The following AGBL4 variants were observed in gnomAD, a reference collection of about 807,000 sequenced individuals.
The protein encoded by AGBL4 is AGBL carboxypeptidase 4.
AGBL4 carries 58 observed loss-of-function variants against 66.4 expected under a neutral mutation model. The ratio of observed to expected loss-of-function variants is 0.87; its 90% CI spans 0.71 to 1.09. The LOEUF (loss-of-function observed/expected upper bound fraction) is 1.09, where lower values mean the gene tolerates loss of function less well. Among genes scored for constraint, AGBL4 ranks in the 50% least tolerant of loss-of-function variants. The probability of loss-of-function intolerance (pLI) is 0.00; values close to 1 mark genes in which losing one functional copy is unlikely to be tolerated. For missense variants in AGBL4, 579 were observed against 631.0 expected, an observed-to-expected ratio of 0.92 and a Z score of 0.88; for synonymous variants, 234 against 222.9, an observed-to-expected ratio of 1.05 and a Z score of -0.44.
intron 6 of AGBL4, among the ~76,000 whole-genome samples, chr1:48,812,980 G>A (rs1276779045): frequency 6.6e-6 from 1 of 151,620 alleles, no homozygotes; most frequent in Non-Finnish European, 1.5e-5. Context: ...GGAGAGGGGA[G>A]GGATAGCATT....
chr1:48,724,375 CCT>C (rs1193599382), intron 6 of AGBL4, among the ~76,000 whole-genome samples: 3 of 152,164 alleles, frequency 2.0e-5, no homozygotes, highest in African/African-American at 4.8e-5. Flanking sequence ...TCACTTTACC[CCT>C]GTGTGTGATG....
chr1:48,566,234 G>T (rs1021724506), intron 11 of AGBL4, among the ~76,000 whole-genome samples: 1 of 152,128 alleles, frequency 6.6e-6, no homozygotes, highest in Non-Finnish European at 1.5e-5. Flanking sequence ...CACATGCTCA[G>T]TTCTGTCACC....
At position 49,116,348 on chromosome 1, in the gene AGBL4, TTCTAATGCTATCCCTCCTCCA is replaced by T. The variant is rs1489226614; in HGVS notation, c.378-70569_378-70549del. Among the ~76,000 whole-genome samples, 6 of 152,310 alleles carry T rather than the reference TTCTAATGCTATCCCTCCTCCA, an allele frequency of 3.9e-5. No individual in the cohort carries two copies. In the East Asian group the frequency reaches 1.2e-3, roughly 29 times the overall value. ...ACTCGTCATTTACATTACATATTTCTTCTAATGCTATCCCTCCTCCATATCCCCACCCCGCCAACAGGCCCT... is the reference window on the plus strand; with the variant it reads ...ACTCGTCATTTACATTACATATTTCTTATCCCCACCCCGCCAACAGGCCCT... On this transcript the variant is annotated intron_variant, in intron 4 of 13. Transcript: ENST00000371839.
intron 4 of AGBL4, among the ~76,000 whole-genome samples, chr1:49,148,129 T>C (rs978851895): frequency 6.6e-6 from 1 of 152,214 alleles, no homozygotes; most frequent in Non-Finnish European, 1.5e-5. Context: ...GATAATACTT[T>C]GTAGGACTAT....
chr1:48,735,741 G>C lies in AGBL4; in HGVS notation c.635-72500C>G, dbSNP rs113768630. Among the ~76,000 whole-genome samples the C allele has an allele frequency of 8.6e-3, 1,313 of 152,054 alleles. 21 individuals are homozygous for C. The highest frequency in any genetic ancestry group is 0.03 in the African/African-American group (1,253 of 41,464). ...ATTAACTGCTCCAGGCACAATGCTA[G>C]AACCACCAAGAACTGCGTCCCCTAG... On this transcript the variant is annotated intron_variant, in intron 6 of 13. Coordinates refer to ENST00000371839, the MANE Select transcript of AGBL4 (RefSeq NM_032785.4).
At chr1:48,561,419 G>T (rs1158698292) in intron 11 of AGBL4, among the ~76,000 whole-genome samples, 1 of 152,154 alleles carries the variant, frequency 6.6e-6, no homozygotes, top group East Asian at 1.9e-4. Flanking sequence ...TTTGGAACTC[G>T]TGATCACACT....
At chr1:49,879,061 C>T (rs1215504258) in intron 1 of AGBL4, among the ~76,000 whole-genome samples, 1 of 98,044 alleles carries the variant, frequency 1.0e-5, no homozygotes, top group African/African-American at 4.2e-5. Flanking sequence ...TGTCTCTGCA[C>T]GTGAGATGGG....
At position 48,845,490 on chromosome 1, in the gene AGBL4, A is replaced by G. The variant is rs1646889768; in HGVS notation, c.634+21701T>C. The stretch of plus-strand genomic sequence containing the variant: ...GCTCACCACACTGGAAGATTTGAAG[A>G]GATGCCTGCATGAAATGTGGGTGAG... On this transcript the variant is annotated intron_variant, in intron 6 of 13. Coordinates refer to ENST00000371839, the MANE Select transcript of AGBL4 (RefSeq NM_032785.4). Among the ~76,000 whole-genome samples, 3 of 152,216 alleles carry G rather than the reference A, an allele frequency of 2.0e-5. No individual in the cohort carries two copies. In the East Asian group the frequency reaches 5.8e-4, roughly 29 times the overall value.
intron 3 of AGBL4, among the ~76,000 whole-genome samples, chr1:49,503,572 C>T (rs1570894723): frequency 1.3e-5 from 2 of 152,180 alleles, no homozygotes; most frequent in Non-Finnish European, 2.9e-5. Context: ...GGATGCTGTA[C>T]CCTGCAAAGC....
chr1:48,970,858 C>T (rs1346082108), intron 5 of AGBL4, among the ~76,000 whole-genome samples: 1 of 152,046 alleles, frequency 6.6e-6, no homozygotes, highest in East Asian at 1.9e-4. Context: ...TGAAAAAATA[C>T]AGAGGTTGGA....
At chr1:49,561,857 G>A (rs1301391234) in intron 3 of AGBL4, among the ~76,000 whole-genome samples, 1 of 151,994 alleles carries the variant, frequency 6.6e-6, no homozygotes, top group Non-Finnish European at 1.5e-5. Flanking sequence ...GGTATTTCTA[G>A]TTCTAGATCC....
chr1:48,757,263 T>A lies in AGBL4; in HGVS notation c.635-94022A>T, dbSNP rs983889141. ...TATTCACTTTAAGATTGGGAAACAT[T>A]TTTTCTCTCTGAAAATTTCAGTTAT... On this transcript the variant is annotated intron_variant, in intron 6 of 13. Transcript: ENST00000371839. Among the ~76,000 whole-genome samples the A allele has an allele frequency of 8.5e-5, 13 of 152,176 alleles. 1 individual carries two copies. Among genetic ancestry groups the A allele is most frequent in the African/African-American group, 3.1e-4 (13 of 41,438 alleles).
At chr1:49,846,625 A>G (rs1253042238) in intron 2 of AGBL4, among the ~76,000 whole-genome samples, 3 of 152,234 alleles carry the variant, frequency 2.0e-5, no homozygotes, top group Non-Finnish European at 4.4e-5. Flanking sequence ...TTGTGGTTAC[A>G]TGATAGGTGT....
At chr1:49,561,160 C>A (rs1035877376) in intron 3 of AGBL4, among the ~76,000 whole-genome samples, 6 of 151,854 alleles carry the variant, frequency 4.0e-5, no homozygotes, top group African/African-American at 1.5e-4. Flanking sequence ...CTTTTCAAGA[C>A]TTAGTAAATA....
chr1:49,200,710 A>G (rs1647629062), intron 4 of AGBL4, among the ~76,000 whole-genome samples: 1 of 152,226 alleles, frequency 6.6e-6, no homozygotes, highest in Admixed American at 6.5e-5. Flanking sequence ...GAAGAGGTGC[A>G]TAGGACAAGG....
intron 5 of AGBL4, among the ~76,000 whole-genome samples, chr1:48,958,928 T>C (rs1487679190): frequency 6.6e-6 from 1 of 152,214 alleles, no homozygotes; most frequent in Non-Finnish European, 1.5e-5. Flanking sequence ...TAGCCAACCA[T>C]CTGTATTTTA....
chr1:49,975,488 C>G (rs571735334), intron 1 of AGBL4, among the ~76,000 whole-genome samples: 133 of 152,260 alleles, frequency 8.7e-4, no homozygotes, highest in African/African-American at 3.1e-3. Context: ...AATTCCACAG[C>G]AAGTGACTTG....
At chr1:49,745,247 C>T (rs1425014354) in intron 2 of AGBL4, among the ~76,000 whole-genome samples, 1 of 152,004 alleles carries the variant, frequency 6.6e-6, no homozygotes, top group African/African-American at 2.4e-5. Context: ...AGTAGTTCTC[C>T]TTTATCTGAT....
At position 49,665,159 on chromosome 1, in the gene AGBL4, C is replaced by G. The variant is rs1488220793; in HGVS notation, c.282+32154G>C. On this transcript the variant is annotated intron_variant, in intron 3 of 13. Transcript: ENST00000371839. ...TAAGATTCTTTATCAGAATTAACCA[C>G]TTACAACCCCAATCATATCCAGCAG... 2.6e-5 allele frequency among the ~76,000 whole-genome samples: 4 copies of G among 152,152 alleles called. No homozygotes were observed. In the East Asian group the frequency reaches 7.7e-4, roughly 29 times the overall value.
Sources: gnomAD v4.1 joint callset for allele counts (sites outside exome capture counted in the v4.1 genomes callset) on GRCh38, gnomAD v4.1.1 for gene constraint, MANE v1.5 for transcripts, NCBI Gene and HGNC (gene_info 2026-07-23, HGNC 2026-07-21) for gene names.